HIP1: variants seen among roughly 807,000 people sequenced by gnomAD.
HIP1 encodes huntingtin-interacting protein 1.
A neutral mutation model predicts 147.6 loss-of-function variants in HIP1; 65 were observed. That is an observed-to-expected ratio of 0.44 (90% CI 0.36 to 0.54). The LOEUF (loss-of-function observed/expected upper bound fraction) is 0.54. Among genes scored for constraint, HIP1 ranks in the 20% least tolerant of loss-of-function variants. The probability of loss-of-function intolerance (pLI) is 0.00; values close to 1 mark genes in which losing one functional copy is unlikely to be tolerated. For synonymous variants in HIP1, 479 were observed against 504.0 expected, an observed-to-expected ratio of 0.95 and a Z score of 0.67; for missense variants, 1,061 against 1,299.6, an observed-to-expected ratio of 0.82 and a Z score of 2.82.
chr7:75,635,713 A>C (rs1798401788), intron 1 of HIP1, among the ~76,000 whole-genome samples: 1 of 152,078 alleles, frequency 6.6e-6, no homozygotes, highest in Non-Finnish European at 1.5e-5. Flanking sequence ...GAGGTTACAG[A>C]AGAAACTTGC....
intron 1 of HIP1, among the ~76,000 whole-genome samples, chr7:75,692,168 A>G (rs542165059): frequency 4.6e-5 from 7 of 152,212 alleles, no homozygotes; most frequent in African/African-American, 1.7e-4. Context: ...CCCCAAAGGC[A>G]GTCTTGCTTT....
chr7:75,632,057 G>T (rs985659694), intron 1 of HIP1, among the ~76,000 whole-genome samples: 5 of 152,198 alleles, frequency 3.3e-5, no homozygotes, highest in Non-Finnish European at 7.3e-5. Context: ...GAAGACAGGT[G>T]CTCGTAGGAC....
chr7:75,706,782 C>G (rs13227940), intron 1 of HIP1, among the ~76,000 whole-genome samples: 1 of 98,748 alleles, frequency 1.0e-5, no homozygotes, highest in Admixed American at 1.2e-4. Flanking sequence ...TCCCTCCCCC[C>G]TCCCCCGACC....
chr7:75,570,812 G>A (rs1795601167), intron 8 of HIP1, among the ~76,000 whole-genome samples: 1 of 151,812 alleles, frequency 6.6e-6, no homozygotes, highest in Non-Finnish European at 1.5e-5. Context: ...TTCGAGACAA[G>A]CCTGGCCAAC....
rs1284902995 is a variant in HIP1, at chr7:75,536,933, C to T, written c.*1239G>A. ...AGCAAACCAAGTATAGGGTTCTTCC[C>T]TGATGGGAGCAATTGCATCTGATCT... On this transcript the variant is annotated 3_prime_UTR_variant, in exon 31 of 31. Transcript: ENST00000336926. 1 of 231,206 alleles carries T rather than the reference C, an allele frequency of 4.3e-6. No homozygotes were observed. Among genetic ancestry groups the T allele is most frequent in the African/African-American group, 2.2e-5 (1 of 45,192 alleles). The allele number at this position is 231,206 out of a possible 1,614,324, so 14.3% of individuals were successfully genotyped here. A position where few individuals can be genotyped will look rare whatever the true frequency, so the allele number is the denominator to read the frequency against.
At chr7:75,599,353 C>T in intron 1 of HIP1, 106 bp from the exon 2 acceptor site, 1 of 857,900 alleles carries the variant, frequency 1.2e-6, no homozygotes. Context: ...TCCAGCCAAC[C>T]TCCCCCAGCC....
intron 1 of HIP1, among the ~76,000 whole-genome samples, chr7:75,644,968 C>G (rs1048716037): frequency 1.3e-5 from 2 of 152,176 alleles, no homozygotes; most frequent in Non-Finnish European, 2.9e-5. Flanking sequence ...CTTTTGCTGC[C>G]TCTCTTTCTG....
At chr7:75,654,925 G>A (rs1279059531) in intron 1 of HIP1, among the ~76,000 whole-genome samples, 1 of 152,126 alleles carries the variant, frequency 6.6e-6, no homozygotes, top group Non-Finnish European at 1.5e-5. Flanking sequence ...TTAGGCAGGA[G>A]GATCTCTTGA....
intron 1 of HIP1, 61 bp downstream of exon 1, chr7:75,738,740 C>A (rs1036036528): frequency 1.7e-5 from 27 of 1,561,362 alleles, no homozygotes; most frequent in Non-Finnish European, 2.3e-5. Flanking sequence ...CTTCAAAGCC[C>A]CTCCCGGACA....
At chr7:75,570,094 C>A (rs2116874194) in intron 8 of HIP1, among the ~76,000 whole-genome samples, 1 of 151,956 alleles carries the variant, frequency 6.6e-6, no homozygotes, top group South Asian at 2.1e-4. Flanking sequence ...CCACCACACC[C>A]CGCTAATTTT....
chr7:75,605,584 G>A (rs781839829), intron 1 of HIP1, among the ~76,000 whole-genome samples: 1 of 152,188 alleles, frequency 6.6e-6, no homozygotes, highest in Non-Finnish European at 1.5e-5. Context: ...CCAGGCTGAA[G>A]TGCAATGGCG....
At position 75,676,493 on chromosome 7, in the gene HIP1, A is replaced by G. The variant is rs561823092; in HGVS notation, c.120+62308T>C. 3.9e-5 allele frequency among the ~76,000 whole-genome samples: 6 copies of G among 152,122 alleles called. No homozygotes were observed. In the South Asian group the frequency reaches 1.2e-3, roughly 32 times the overall value. On this transcript the variant is annotated intron_variant, in intron 1 of 30. Coordinates refer to ENST00000336926, the MANE Select transcript of HIP1 (RefSeq NM_005338.7). The stretch of plus-strand genomic sequence containing the variant: ...ATGTCAGAGCTTATAGAAGCCCCCT[A>G]TGGCCTGGCGCGGTGGCTCATGCCT...
intron 1 of HIP1, among the ~76,000 whole-genome samples, chr7:75,717,481 T>G: frequency 6.6e-6 from 1 of 151,928 alleles, no homozygotes; most frequent in East Asian, 1.9e-4. Context: ...GAATGTTGGA[T>G]CTTTATCTTC....
intron 30 of HIP1, 78 bp downstream of exon 30, chr7:75,539,245 C>T: frequency 9.9e-7 from 1 of 1,013,872 alleles, no homozygotes; most frequent in South Asian, 1.3e-5. Flanking sequence ...TTGTTCTGTT[C>T]CATTCTAGGG....
intron 7 of HIP1, among the ~76,000 whole-genome samples, chr7:75,578,423 C>T (rs1430611242): frequency 4.6e-5 from 7 of 152,206 alleles, no homozygotes; most frequent in African/African-American, 1.7e-4. Context: ...TGCCAATAAT[C>T]CCAGCACTTT....
In HIP1 at chr7:75,718,768, G is replaced by A. The variant is rs534149784; in HGVS notation, c.120+20033C>T. ...GAAACACACAGATTGCTCCAAGCAC[G>A]CAGTTCTCCCAAGGCCCTCAACAAA... On this transcript the variant is annotated intron_variant, in intron 1 of 30. Transcript: ENST00000336926. 2.6e-5 allele frequency among the ~76,000 whole-genome samples: 4 copies of A among 152,186 alleles called. No individual in the cohort carries two copies. The South Asian group carries it at 8.3e-4, about 32-fold the overall frequency.
intron 1 of HIP1, among the ~76,000 whole-genome samples, chr7:75,618,684 G>A (rs1797747043): frequency 6.6e-6 from 1 of 152,128 alleles, no homozygotes; most frequent in Non-Finnish European, 1.5e-5. Flanking sequence ...CAAGGTGGGT[G>A]ATGCCTGACT....
chr7:75,653,786 G>C (rs1799066549), intron 1 of HIP1, among the ~76,000 whole-genome samples: 1 of 152,218 alleles, frequency 6.6e-6, no homozygotes, highest in Admixed American at 6.5e-5. Context: ...GGACCACTGA[G>C]TGATCGCTGG....
At chr7:75,582,258 G>T in intron 5 of HIP1, 107 bp from the exon 6 acceptor site, 1 of 814,238 alleles carries the variant, frequency 1.2e-6, no homozygotes, top group Non-Finnish European at 2.1e-6. Context: ...GGGAGGCCGA[G>T]GTGGGAGGAT....
Sources: allele counts gnomAD v4.1 joint callset (sites outside exome capture counted in the v4.1 genomes callset), GRCh38; gene constraint gnomAD v4.1.1; transcripts MANE v1.5; gene names NCBI Gene and HGNC (gene_info 2026-07-23, HGNC 2026-07-21).